RGS6: variants seen among roughly 807,000 people sequenced by gnomAD.
RGS6 encodes the protein regulator of G protein signaling 6.
RGS6 carries 30 observed loss-of-function variants against 78.5 expected under a neutral mutation model. That is an observed-to-expected ratio of 0.38 (90% confidence interval 0.29 to 0.52). The LOEUF (loss-of-function observed/expected upper bound fraction) is 0.52. RGS6 is among the 20% of genes least tolerant of loss of function. The probability of loss-of-function intolerance (pLI) is 0.85; values close to 1 mark genes in which losing one functional copy is unlikely to be tolerated. For missense variants in RGS6, 495 were observed against 609.7 expected, an observed-to-expected ratio of 0.81 and a Z score of 1.98; for synonymous variants, 206 against 206.0, an observed-to-expected ratio of 1.00 and a Z score of 0.00.
At chr14:72,213,189 A>G (rs1454300714) in intron 2 of RGS6, among the ~76,000 whole-genome samples, 1 of 152,126 alleles carries the variant, frequency 6.6e-6, no homozygotes, top group African/African-American at 2.4e-5. Context: ...TGTTTTCCTA[A>G]TTCTTAACAC....
intron 3 of RGS6, among the ~76,000 whole-genome samples, chr14:72,368,770 T>C (rs1555356851): frequency 2.0e-5 from 3 of 152,200 alleles, no homozygotes; most frequent in Non-Finnish European, 4.4e-5. Context: ...GGAAGAACTT[T>C]AAAAATGCCT....
intron 2 of RGS6, among the ~76,000 whole-genome samples, chr14:72,158,703 G>A (rs747332357): frequency 3.9e-5 from 6 of 152,062 alleles, no homozygotes; most frequent in Non-Finnish European, 7.4e-5. Flanking sequence ...TATGTAAGAG[G>A]GGTAATAATA....
intron 1 of RGS6, among the ~76,000 whole-genome samples, chr14:71,940,913 T>A (rs1279060035): frequency 6.6e-6 from 1 of 152,236 alleles, no homozygotes; most frequent in Non-Finnish European, 1.5e-5. Context: ...GATTCCTTCC[T>A]GTACATTAAG....
chr14:72,396,290 A>ATTC (rs2091249594), intron 3 of RGS6, among the ~76,000 whole-genome samples: 1 of 152,236 alleles, frequency 6.6e-6, no homozygotes, highest in Non-Finnish European at 1.5e-5. Flanking sequence ...ATGGCCAGTG[A>ATTC]TGATGAGCAT....
At chr14:72,052,963 T>TCTCTCTCTCTCTC in intron 2 of RGS6, among the ~76,000 whole-genome samples, 1 of 43,662 alleles carries the variant, frequency 2.3e-5, no homozygotes, top group Non-Finnish European at 3.7e-5. Context: ...CTTTCTTTCT[T>TCTCTCTCTCTCTC]TCTTTCTTTC....
At chr14:71,884,944 G>A in the RGS6 span, among the ~76,000 whole-genome samples, 2 of 152,160 alleles carry the variant, frequency 1.3e-5, no homozygotes, top group African/African-American at 4.8e-5. Context: ...TTTGCCTCCT[G>A]AAATTTTGTG....
At chr14:72,234,847 C>T (rs558188242) in intron 2 of RGS6, among the ~76,000 whole-genome samples, 8 of 152,150 alleles carry the variant, frequency 5.3e-5, no homozygotes, top group East Asian at 3.9e-4. Flanking sequence ...CACTTTATTT[C>T]GTTATTTTTG....
chr14:72,327,329 A>T (rs903667228), intron 2 of RGS6, among the ~76,000 whole-genome samples: 1 of 152,126 alleles, frequency 6.6e-6, no homozygotes, highest in African/African-American at 2.4e-5. Flanking sequence ...CCAGGGTGTG[A>T]TCAGAGCTAC....
chr14:72,141,330 C>T (rs1473738683), intron 2 of RGS6, among the ~76,000 whole-genome samples: 1 of 152,096 alleles, frequency 6.6e-6, no homozygotes, highest in East Asian at 1.9e-4. Context: ...ATTCTGTTGC[C>T]CTTGAGTACT....
chr14:72,293,456 TCTCTCC>T (rs562283571), intron 2 of RGS6, among the ~76,000 whole-genome samples: 9 of 152,084 alleles, frequency 5.9e-5, no homozygotes, highest in Non-Finnish European at 1.0e-4. Context: ...GTTTGTTTTC[TCTCTCC>T]CTCTCCCTCT....
At chr14:72,038,589 C>A (rs761825369) in intron 2 of RGS6, among the ~76,000 whole-genome samples, 4 of 151,844 alleles carry the variant, frequency 2.6e-5, no homozygotes, top group Non-Finnish European at 5.9e-5. Flanking sequence ...TTTCAGCATA[C>A]CCTCTAATTG....
intron 3 of RGS6, among the ~76,000 whole-genome samples, chr14:72,354,169 A>G (rs2079726402): frequency 6.6e-6 from 1 of 152,170 alleles, no homozygotes; most frequent in Non-Finnish European, 1.5e-5. Context: ...GGCTGCTAGA[A>G]CAAAGCACCC....
intron 3 of RGS6, among the ~76,000 whole-genome samples, chr14:72,372,917 G>A (rs905624754): frequency 6.6e-6 from 1 of 152,192 alleles, no homozygotes; most frequent in Non-Finnish European, 1.5e-5. Flanking sequence ...TTGAGGCTAA[G>A]AGGCTGCATG....
intron 2 of RGS6, among the ~76,000 whole-genome samples, chr14:72,081,072 TA>T (rs2094802201): frequency 6.6e-6 from 1 of 152,092 alleles, no homozygotes; most frequent in African/African-American, 2.4e-5. Flanking sequence ...GGAATTTTGA[TA>T]AAGACTTTGA....
chr14:72,470,671 G>C (rs2096053769), intron 8 of RGS6, among the ~76,000 whole-genome samples: 1 of 152,008 alleles, frequency 6.6e-6, no homozygotes, highest in Admixed American at 6.5e-5. Context: ...CCTGAGGTCA[G>C]GAGTTCGAGA....
intron 3 of RGS6, among the ~76,000 whole-genome samples, chr14:72,360,837 C>T (rs974110558): frequency 1.3e-4 from 20 of 152,094 alleles, no homozygotes; most frequent in Middle Eastern, 3.2e-3. Flanking sequence ...CCCCATAATC[C>T]GCACATGTCG....
intron 2 of RGS6, among the ~76,000 whole-genome samples, chr14:72,203,048 G>A (rs1362345188): frequency 6.6e-6 from 1 of 151,952 alleles, no homozygotes; most frequent in Non-Finnish European, 1.5e-5. Context: ...CTAATTTTTT[G>A]TATTTTTTAG....
chr14:72,348,390 A>G lies in RGS6; in HGVS notation c.85-3705A>G, dbSNP rs531765253. Among the ~76,000 whole-genome samples the G allele has an allele frequency of 2.8e-4, 42 of 152,326 alleles. No homozygotes were observed. In the East Asian group the frequency reaches 5.2e-3, roughly 19 times the overall value. On this transcript the variant is annotated intron_variant, in intron 2 of 17. Transcript: ENST00000553525. ...TTATGACCGGGAAATCAATTAAATA[A>G]TTTATTTAAAATACTTAGGGCAGTA...
intron 2 of RGS6, among the ~76,000 whole-genome samples, chr14:72,021,112 G>T (rs1414523578): frequency 1.3e-5 from 2 of 152,198 alleles, no homozygotes; most frequent in Non-Finnish European, 1.5e-5. Flanking sequence ...TTCTCCCAGA[G>T]CCCAGGCTCT....
Sources: allele counts gnomAD v4.1 joint callset (sites outside exome capture counted in the v4.1 genomes callset), GRCh38; gene constraint gnomAD v4.1.1; transcripts MANE v1.5; gene names NCBI Gene and HGNC (gene_info 2026-07-23, HGNC 2026-07-21).